Variants in GFRA1 observed in about 807,000 individuals in gnomAD.
The protein encoded by GFRA1 is GDNF family receptor alpha 1.
A neutral mutation model predicts 51.6 loss-of-function variants in GFRA1; 16 were observed. That is an observed-to-expected ratio of 0.31 (90% confidence interval 0.21 to 0.47). The LOEUF is 0.47. GFRA1 is among the 20% of genes least tolerant of loss of function. The pLI is 1.00. For missense variants in GFRA1, 530 were observed against 594.3 expected, an observed-to-expected ratio of 0.89 and a Z score of 1.13; for synonymous variants, 270 against 241.3, an observed-to-expected ratio of 1.12 and a Z score of -1.10.
intron 6 of GFRA1, among the ~76,000 whole-genome samples, chr10:116,105,047 A>G (rs1265745779): frequency 6.6e-6 from 1 of 152,212 alleles, no homozygotes; most frequent in Non-Finnish European, 1.5e-5. Flanking sequence ...TATATTACCC[A>G]TACTATGCTA....
At position 116,078,880 on chromosome 10, in the gene GFRA1, C is replaced by T. The variant is rs543441413; in HGVS notation, c.1197+10861G>A. On this transcript the variant is annotated intron_variant, in intron 9 of 10. Transcript: ENST00000355422. ...TTGCTACCGTCATTTAGATTCTATG[C>T]CTGTGCTATGGGCTCAGCGTTGACA... is the stretch of plus-strand genomic sequence containing the variant. Among the ~76,000 whole-genome samples, 43 of 152,234 alleles carry T rather than the reference C, an allele frequency of 2.8e-4. 1 individual carries two copies. The highest frequency in any genetic ancestry group is 9.6e-4 in the African/African-American group (40 of 41,544).
rs1298852424 is a variant in GFRA1, at chr10:116,075,965, C to T, written c.1198-10339G>A. On this transcript the variant is annotated intron_variant, in intron 9 of 10. Transcript: ENST00000355422. Reference sequence around the variant, plus strand: ...TTCACCATGTTAGCCAAGATGGTCTCGATCTCCTGAACTCGTGATCCACCC... The same window carrying T: ...TTCACCATGTTAGCCAAGATGGTCTTGATCTCCTGAACTCGTGATCCACCC... Among the ~76,000 whole-genome samples, 8 of 151,862 alleles carry T rather than the reference C, an allele frequency of 5.3e-5. No homozygotes were observed. In the South Asian group the frequency reaches 1.0e-3, roughly 20 times the overall value.
chr10:116,066,127 G>A (rs1322492078), intron 9 of GFRA1, among the ~76,000 whole-genome samples: 2 of 152,132 alleles, frequency 1.3e-5, no homozygotes, highest in Non-Finnish European at 1.5e-5. Flanking sequence ...AGACCTTCCT[G>A]GGCTTGTTTG....
In GFRA1 at chr10:116,057,385, A is replaced by G. The variant is rs1240388476; in HGVS notation, c.*7013T>C. The G allele has an allele frequency of 6.6e-6, 1 of 152,110 alleles. No homozygotes were observed. The highest frequency in any genetic ancestry group is 1.9e-4 in the East Asian group (1 of 5,184). 9.4% of individuals were successfully genotyped at this position (152,110 alleles called of 1,614,324 possible). On this transcript the variant is annotated 3_prime_UTR_variant, in exon 11 of 11. Transcript: ENST00000355422. ...TCACTCAGGAATGAATTCTAAAAATACCCTAAAAATCAGAAGCCGCCTTCT... is the reference window on the plus strand; with the variant it reads ...TCACTCAGGAATGAATTCTAAAAATGCCCTAAAAATCAGAAGCCGCCTTCT...
chr10:116,125,545 G>A lies in GFRA1; in HGVS notation c.446C>T (p.Pro149Leu), dbSNP rs755919738. The A allele has an allele frequency of 1.2e-6, 2 of 1,613,234 alleles. No individual in the cohort carries two copies. Among genetic ancestry groups the A allele is most frequent in the Non-Finnish European group, 1.7e-6 (2 of 1,179,660 alleles). Residue 149 changes from proline (P) to leucine (L), a missense_variant, in exon 6 of 11, where the codon CCC becomes CTC. Coordinates refer to ENST00000355422, the MANE Select transcript of GFRA1 (RefSeq NM_005264.8). ...SDVFQQVEHI[P>L]KGNNCLDAAK... ...TGCATCCAGGCAGTTGTTCCCTTTGGGAATGTGCTCCACTGCAAATGCAGA... is the reference window on the plus strand; with the variant it reads ...TGCATCCAGGCAGTTGTTCCCTTTGAGAATGTGCTCCACTGCAAATGCAGA...
chr10:116,218,150 A>G (rs1176096088), intron 4 of GFRA1, among the ~76,000 whole-genome samples: 1 of 152,176 alleles, frequency 6.6e-6, no homozygotes, highest in East Asian at 1.9e-4. Context: ...GTTAGAACCC[A>G]TAGGTGCCAG....
intron 5 of GFRA1, among the ~76,000 whole-genome samples, chr10:116,133,018 T>C (rs933026621): frequency 2.0e-5 from 3 of 152,042 alleles, no homozygotes; most frequent in African/African-American, 7.2e-5. Context: ...AATGTTGCTT[T>C]CCCCCCTCCC....
At chr10:116,093,919 G>A (rs565992978) in intron 7 of GFRA1, 83 bp from the exon 8 acceptor site, 32 of 1,317,920 alleles carry the variant, frequency 2.4e-5, no homozygotes, top group South Asian at 3.5e-5. Flanking sequence ...TTCCTCTGAC[G>A]GCGGATGCAC....
At chr10:116,116,800 AGCTTTTGTTTTATTTTTTAAACGAT>A (rs1957428272) in intron 6 of GFRA1, among the ~76,000 whole-genome samples, 1 of 152,184 alleles carries the variant, frequency 6.6e-6, no homozygotes, top group Non-Finnish European at 1.5e-5. Context: ...TTACCTGAGT[AGCTTTTGTTTTATTTTTTAAACGAT>A]GCTAAGAGGC....
chr10:116,138,376 T>C (rs200335426), intron 5 of GFRA1, among the ~76,000 whole-genome samples: 2 of 81,760 alleles, frequency 2.4e-5, no homozygotes, highest in South Asian at 6.4e-4. Context: ...TTAAACCTTT[T>C]TTTTATGCCC....
At chr10:116,188,799 C>T (rs1197459781) in intron 5 of GFRA1, among the ~76,000 whole-genome samples, 3 of 151,104 alleles carry the variant, frequency 2.0e-5, no homozygotes, top group African/African-American at 7.3e-5. Context: ...TACATGGAGG[C>T]TGAGGCACGA....
At chr10:116,100,632 A>G (rs1956782030) in intron 6 of GFRA1, among the ~76,000 whole-genome samples, 1 of 152,212 alleles carries the variant, frequency 6.6e-6, no homozygotes, top group Admixed American at 6.5e-5. Flanking sequence ...TTTAAACCCG[A>G]GAAGTAACAT....
At chr10:116,106,451 G>A (rs1049063707) in intron 6 of GFRA1, among the ~76,000 whole-genome samples, 5 of 152,170 alleles carry the variant, frequency 3.3e-5, no homozygotes, top group African/African-American at 4.8e-5. Context: ...GATATAGTTC[G>A]GACGTGTGTC....
At chr10:116,197,858 G>A (rs1395308296) in intron 5 of GFRA1, among the ~76,000 whole-genome samples, 3 of 152,198 alleles carry the variant, frequency 2.0e-5, no homozygotes, top group Admixed American at 2.0e-4. Context: ...CCGGAGTGCT[G>A]AGGCATGCGT....
At chr10:116,100,115 A>C (rs1353156136) in intron 6 of GFRA1, among the ~76,000 whole-genome samples, 1 of 152,174 alleles carries the variant, frequency 6.6e-6, no homozygotes, top group Non-Finnish European at 1.5e-5. Flanking sequence ...GACTTAAAGG[A>C]TGGGTAGAAT....
intron 4 of GFRA1, among the ~76,000 whole-genome samples, chr10:116,233,080 A>G (rs1047739797): frequency 6.6e-6 from 1 of 152,152 alleles, no homozygotes; most frequent in Non-Finnish European, 1.5e-5. Context: ...TAATTCCAGC[A>G]CTGTAGGAGG....
intron 4 of GFRA1, among the ~76,000 whole-genome samples, chr10:116,215,022 A>G (rs1324182584): frequency 6.6e-6 from 1 of 152,202 alleles, no homozygotes; most frequent in African/African-American, 2.4e-5. Flanking sequence ...GTAAATTTTA[A>G]TAAATACTAG....
chr10:116,218,953 G>T (rs549711986), intron 4 of GFRA1, among the ~76,000 whole-genome samples: 12 of 151,858 alleles, frequency 7.9e-5, no homozygotes, highest in African/African-American at 2.9e-4. Flanking sequence ...TGTCACTGTT[G>T]TACCTCTGAA....
chr10:116,241,862 T>C (rs949802420), intron 4 of GFRA1, among the ~76,000 whole-genome samples: 2 of 152,122 alleles, frequency 1.3e-5, no homozygotes, highest in East Asian at 1.9e-4. Flanking sequence ...CCATTCTTAC[T>C]GGAAGGCAGC....
Sources: allele counts gnomAD v4.1 joint callset (sites outside exome capture counted in the v4.1 genomes callset), GRCh38; gene constraint gnomAD v4.1.1; transcripts MANE v1.5; gene names NCBI Gene and HGNC (gene_info 2026-07-23, HGNC 2026-07-21).